ADGB: variants seen among roughly 807,000 people sequenced by gnomAD.
ADGB encodes the protein androglobin.
In ADGB, 172 loss-of-function variants were observed where a neutral mutation model predicts 210.5. The observed-to-expected ratio is 0.82, with a 90% CI of 0.72 to 0.93. The LOEUF (loss-of-function observed/expected upper bound fraction) is 0.93. Among genes scored for constraint, ADGB ranks in the 40% least tolerant of loss-of-function variants. The pLI is 0.00. For synonymous variants in ADGB, 658 were observed against 662.7 expected, an observed-to-expected ratio of 0.99 and a Z score of 0.11; for missense variants, 2,025 against 1,964.8, an observed-to-expected ratio of 1.03 and a Z score of -0.58.
At chr6:146,801,411 C>A in intron 34 of ADGB, 132 bp downstream of exon 34, 1 of 469,636 alleles carries the variant, frequency 2.1e-6, no homozygotes. Context: ...CAAAAAATTT[C>A]TATCACACCT....
intron 27 of ADGB, 47 bp from the exon 28 acceptor site, chr6:146,763,854 A>C: frequency 6.8e-7 from 1 of 1,462,808 alleles, no homozygotes; most frequent in East Asian, 2.5e-5. Flanking sequence ...AGTAATAACT[A>C]TGTATATCAC....
Position 146,724,333 on chromosome 6 carries a change from A to T in ADGB, c.2237+6A>T. 1 of 1,503,366 alleles carries T rather than the reference A, an allele frequency of 6.7e-7. No individual in the cohort carries two copies. Among genetic ancestry groups the T allele is most frequent in the Non-Finnish European group, 8.9e-7 (1 of 1,128,028 alleles). 93.1% of individuals were successfully genotyped at this position (1,503,366 alleles called of 1,614,324 possible). A position where few individuals can be genotyped will look rare whatever the true frequency, so the allele number is the denominator to read the frequency against. ...GTGGTTCGTCTGCCTGTTGGGTATG[A>T]AGTGGCTTCATTTTTCCCATAATAA... On this transcript the variant is annotated splice_donor_region_variant and intron_variant, in intron 18 of 35. Transcript: ENST00000397944.
At chr6:146,725,914 G>A in intron 18 of ADGB, 169 bp from the exon 19 acceptor site, 1 of 509,984 alleles carries the variant, frequency 2.0e-6, no homozygotes, top group Non-Finnish European at 3.6e-6. Context: ...ATCCCGTAGG[G>A]TTCTTATAGA....
intron 1 of ADGB, among the ~76,000 whole-genome samples, chr6:146,602,343 T>C (rs1780570306): frequency 1.3e-5 from 2 of 152,222 alleles, no homozygotes; most frequent in South Asian, 4.1e-4. Context: ...TTCTATCAGA[T>C]ATATTTTTTA....
chr6:146,664,439 A>G (rs1386761211), intron 6 of ADGB, 99 bp downstream of exon 6: 4 of 1,266,078 alleles, frequency 3.2e-6, no homozygotes, highest in Non-Finnish European at 4.2e-6. Context: ...AATTAGCTAA[A>G]AGACAGCTTT....
Position 146,745,950 on chromosome 6 carries a change from T to C in ADGB, c.3206T>C (p.Phe1069Ser). The change falls in exon 26 of 36, where the codon TTT becomes TCT. Residue 1069 changes from phenylalanine (F) to serine (S), a missense_variant. Transcript: ENST00000397944. The part of the protein sequence containing the change: ...KKGYTFVAEA[F>S]TGDTYVAASR... ...GGATACACTTTTGTGGCGGAAGCAT[T>C]TACAGGCGACACATATGTAGCAGCC... The C allele has an allele frequency of 1.2e-5, 19 of 1,549,562 alleles. No individual in the cohort carries two copies. Among genetic ancestry groups the C allele is most frequent in the Non-Finnish European group, 1.7e-5 (19 of 1,146,126 alleles).
rs553511218 is a variant in ADGB at position 146,685,773 on chromosome 6, C to T, written c.1256C>T (p.Ala419Val). The change falls in exon 10 of 36, where the codon GCG becomes GTG. Residue 419 changes from alanine to valine, a missense_variant. Physicochemically the swap from Ala to Val is moderately conservative, Grantham distance 64. Coordinates refer to ENST00000397944, the MANE Select transcript of ADGB (RefSeq NM_024694.4). ...AIQTSHMVVYATFTPLYLFEN... is the reference protein window; with the variant it reads ...AIQTSHMVVYVTFTPLYLFEN... ...CAGACCTCTCATATGGTCGTATATG[C>T]GACATTTACACCTCTTTATTTGTTT... 47 of 1,540,448 alleles carry T rather than the reference C, an allele frequency of 3.1e-5. No individual in the cohort carries two copies. Among genetic ancestry groups the T allele is most frequent in the South Asian group, 2.9e-4 (24 of 82,512 alleles).
Position 146,815,122 on chromosome 6 carries a change from A to G in ADGB, c.4909A>G (p.Thr1637Ala), listed in dbSNP as rs1052445. 26 of 1,547,966 alleles carry G rather than the reference A, an allele frequency of 1.7e-5. No homozygotes were observed. The highest frequency in any genetic ancestry group is 1.2e-4 in the African/African-American group (9 of 72,490). The change falls in exon 36 of 36, where the codon ACT becomes GCT. Residue 1637 changes from threonine (T) to alanine (A), a missense_variant. By Grantham distance (58) the Thr-to-Ala change is moderately conservative. Coordinates refer to ENST00000397944, the MANE Select transcript of ADGB (RefSeq NM_024694.4). ...GGAAGCTGAGCACCTAAAGCTGGAA[A>G]CTCTGGCTGCTCAGGAAGCAGCCAT... ...LLEAEHLKLETLAAQEAAMKL... is the reference protein window; with the variant it reads ...LLEAEHLKLEALAAQEAAMKL...
chr6:146,721,382 A>T, intron 16 of ADGB, 21 bp from the exon 17 acceptor site: 1 of 1,404,042 alleles, frequency 7.1e-7, no homozygotes, highest in Non-Finnish European at 9.9e-7. Context: ...TAAGTATGAC[A>T]ACTGGTCTAA....
chr6:146,747,303 A>G (rs1777254359), intron 26 of ADGB, among the ~76,000 whole-genome samples: 1 of 152,226 alleles, frequency 6.6e-6, no homozygotes, highest in South Asian at 2.1e-4. Flanking sequence ...ACCAATAACT[A>G]AAAATAGCAA....
At chr6:146,779,344 C>T (rs559897840) in intron 29 of ADGB, among the ~76,000 whole-genome samples, 63 of 152,208 alleles carry the variant, frequency 4.1e-4, no homozygotes, top group African/African-American at 1.5e-3. Flanking sequence ...ATCACACATA[C>T]CAGCATGTAC....
chr6:146,733,318 A>C, intron 21 of ADGB, 63 bp downstream of exon 21: 1 of 1,374,292 alleles, frequency 7.3e-7, no homozygotes, highest in Non-Finnish European at 9.7e-7. Context: ...TAAATAATTT[A>C]AGAAATGTGT....
Position 146,721,428 on chromosome 6 carries a change from A to G in ADGB, c.2018A>G (p.Tyr673Cys), listed in dbSNP as rs1161425043. Residue 673 changes from tyrosine to cysteine, a missense_variant, in exon 17 of 36, where the codon TAT (tyrosine) becomes TGT (cysteine). Transcript: ENST00000397944. The stretch of plus-strand genomic sequence containing the variant: ...TTCTCAGAAGAACGAGTGTCCTACT[A>G]TCTATTTGTAGATAGTCTAAAACCT... ...FKFSEERVSYYLFVDSLKPIE... is the reference protein window; with the variant it reads ...FKFSEERVSYCLFVDSLKPIE... The G allele has an allele frequency of 3.9e-6, 6 of 1,550,434 alleles. No homozygotes were observed. In the East Asian group the frequency reaches 1.2e-4, roughly 32 times the overall value.
chr6:146,663,156 A>AT (rs1491289643), intron 5 of ADGB, among the ~76,000 whole-genome samples: 179 of 140,838 alleles, frequency 1.3e-3, no homozygotes, highest in African/African-American at 4.3e-3. Flanking sequence ...TAAATATATA[A>AT]TATATATTTA....
At chr6:146,755,190 T>C (rs1262033755) in intron 27 of ADGB, among the ~76,000 whole-genome samples, 1 of 152,130 alleles carries the variant, frequency 6.6e-6, no homozygotes, top group South Asian at 2.1e-4. Context: ...CCTTTTGCTA[T>C]TATTTGCCTG....
chr6:146,720,134 A>G (rs1776792920), intron 16 of ADGB, among the ~76,000 whole-genome samples: 1 of 152,132 alleles, frequency 6.6e-6, no homozygotes, highest in African/African-American at 2.4e-5. Flanking sequence ...AATTGAACAC[A>G]TTTACTGTGT....
At chr6:146,678,889 T>C (rs530145335) in intron 9 of ADGB, among the ~76,000 whole-genome samples, 3 of 152,328 alleles carry the variant, frequency 2.0e-5, no homozygotes, top group African/African-American at 7.2e-5. Flanking sequence ...TATTTCTTTC[T>C]CAATTAAAAT....
At chr6:146,787,295 T>C (rs1777886813) in intron 32 of ADGB, among the ~76,000 whole-genome samples, 1 of 152,126 alleles carries the variant, frequency 6.6e-6, no homozygotes, top group African/African-American at 2.4e-5. Flanking sequence ...CATACTAAAG[T>C]CCTCCTCGTT....
intron 35 of ADGB, 65 bp downstream of exon 35, chr6:146,802,076 T>G: frequency 9.3e-7 from 1 of 1,080,216 alleles, no homozygotes; most frequent in Non-Finnish European, 1.2e-6. Flanking sequence ...AAAAAGAAAT[T>G]ATATAATTAA....
Sources: gnomAD v4.1 joint callset for allele counts (sites outside exome capture counted in the v4.1 genomes callset) on GRCh38, gnomAD v4.1.1 for gene constraint, MANE v1.5 for transcripts, NCBI Gene and HGNC (gene_info 2026-07-23, HGNC 2026-07-21) for gene names.